The following RIMBP2 variants were observed in gnomAD, a reference collection of about 807,000 sequenced individuals.
RIMBP2 encodes the protein RIMS binding protein 2.
Under a neutral mutation model 118.6 loss-of-function variants are expected in RIMBP2, and 48 were observed. That is an observed-to-expected ratio of 0.40 (90% CI 0.32 to 0.51). RIMBP2 has a LOEUF of 0.51. Among genes scored for constraint, RIMBP2 ranks in the 20% least tolerant of loss-of-function variants. The pLI is 0.41. For synonymous variants in RIMBP2, 762 were observed against 742.9 expected (o/e 1.03, Z -0.42); for missense variants, 1,551 against 1,768.3 (o/e 0.88, Z 2.20).
intron 17 of RIMBP2, among the ~76,000 whole-genome samples, chr12:130,421,483 C>T (rs78456544): frequency 1.2e-3 from 187 of 152,296 alleles, no homozygotes; most frequent in African/African-American, 4.4e-3. Flanking sequence ...TTCAAAGAAT[C>T]TGTTTTGCTT....
chr12:130,418,141 G>T (rs961787244), intron 17 of RIMBP2, among the ~76,000 whole-genome samples: 2 of 152,198 alleles, frequency 1.3e-5, no homozygotes, highest in Middle Eastern at 3.2e-3. Context: ...TCTAACAAAA[G>T]CACTTTGGCT....
At chr12:130,624,419 G>A (rs949383611) in intron 2 of RIMBP2, among the ~76,000 whole-genome samples, 4 of 152,160 alleles carry the variant, frequency 2.6e-5, no homozygotes, top group African/African-American at 9.7e-5. Flanking sequence ...ATGGAGTTGT[G>A]TGTCCACATC....
intron 1 of RIMBP2, among the ~76,000 whole-genome samples, chr12:130,693,749 A>G (rs560299253): frequency 2.4e-4 from 37 of 152,342 alleles, no homozygotes; most frequent in African/African-American, 8.7e-4. Context: ...CAGTGAGTGT[A>G]AGCAGAAGTC....
intron 1 of RIMBP2, among the ~76,000 whole-genome samples, chr12:130,644,555 G>C (rs933294845): frequency 6.6e-6 from 1 of 152,210 alleles, no homozygotes. Flanking sequence ...GTATCATCAA[G>C]TGCAAATTAA....
intron 1 of RIMBP2, among the ~76,000 whole-genome samples, chr12:130,698,358 T>G (rs2065675695): frequency 6.6e-6 from 1 of 152,202 alleles, no homozygotes; most frequent in Non-Finnish European, 1.5e-5. Context: ...AATGTCCTGG[T>G]CTCTGCCTCT....
chr12:130,520,823 G>A (rs904021875), intron 2 of RIMBP2, among the ~76,000 whole-genome samples: 1 of 152,092 alleles, frequency 6.6e-6, no homozygotes, highest in Non-Finnish European at 1.5e-5. Flanking sequence ...CAGTGACACA[G>A]ACAGCCAGGT....
chr12:130,666,380 C>T (rs80231626), intron 1 of RIMBP2, among the ~76,000 whole-genome samples: 8 of 152,290 alleles, frequency 5.3e-5, no homozygotes, highest in African/African-American at 1.9e-4. Flanking sequence ...TGATGAGCCA[C>T]TCTGCAATAC....
chr12:130,678,798 C>T (rs1226430233), intron 1 of RIMBP2, among the ~76,000 whole-genome samples: 1 of 152,158 alleles, frequency 6.6e-6, no homozygotes, highest in Admixed American at 6.5e-5. Context: ...GGATTACAGG[C>T]GTAAGTCACC....
rs1300174133 is a variant in RIMBP2, at chr12:130,622,561, C to T, written c.-217+5761G>A. Among the ~76,000 whole-genome samples the T allele has an allele frequency of 6.6e-6, 1 of 152,062 alleles. No individual in the cohort carries two copies. Among genetic ancestry groups the T allele is most frequent in the Non-Finnish European group, 1.5e-5 (1 of 68,018 alleles). On this transcript the variant is annotated intron_variant, in intron 2 of 22. Coordinates refer to ENST00000690449, the MANE Select transcript of RIMBP2 (RefSeq NM_001393629.1). This position sits in a 1 kb window ranked among gnomAD's most constrained non-coding sequence, Gnocchi z 8.5. ...CAGGGTGGTCCCAAACTCCTGGACT[C>T]AAGCGATCCTCCCACCTTTGCCTCC...
chr12:130,439,431 A>ATGTGGGTG (rs1198502262), intron 11 of RIMBP2, among the ~76,000 whole-genome samples: 2 of 141,450 alleles, frequency 1.4e-5, no homozygotes. Context: ...GTATATGTGT[A>ATGTGGGTG]TGTGGGTGTG....
At chr12:130,661,828 G>A (rs2063677307) in intron 1 of RIMBP2, among the ~76,000 whole-genome samples, 1 of 152,198 alleles carries the variant, frequency 6.6e-6, no homozygotes, top group African/African-American at 2.4e-5. Context: ...CACCTGCAGA[G>A]TAGCCCCTTC....
chr12:130,528,581 T>C, intron 2 of RIMBP2, among the ~76,000 whole-genome samples: 1 of 152,226 alleles, frequency 6.6e-6, no homozygotes. Flanking sequence ...CAAACCTGCA[T>C]GTCCTGCACA....
chr12:130,508,014 G>A (rs2050530954), intron 3 of RIMBP2, among the ~76,000 whole-genome samples: 1 of 152,162 alleles, frequency 6.6e-6, no homozygotes, highest in African/African-American at 2.4e-5. Context: ...CTCATTCGAA[G>A]GAATATTTTA....
intron 4 of RIMBP2, among the ~76,000 whole-genome samples, chr12:130,479,239 T>A (rs1340995864): frequency 6.6e-6 from 1 of 152,200 alleles, no homozygotes; most frequent in Non-Finnish European, 1.5e-5. Flanking sequence ...CTGCCACTTC[T>A]CCTCTGCAGG....
intron 1 of RIMBP2, among the ~76,000 whole-genome samples, chr12:130,707,288 C>A (rs527834938): frequency 6.6e-6 from 1 of 152,150 alleles, no homozygotes; most frequent in Admixed American, 6.5e-5. Flanking sequence ...CAGAATGGAA[C>A]GGTGCCCACC....
chr12:130,646,038 G>GTTCCCTCTCCAC (rs1566421600), intron 1 of RIMBP2, among the ~76,000 whole-genome samples: 1 of 139,066 alleles, frequency 7.2e-6, no homozygotes, highest in East Asian at 2.2e-4. Context: ...GCGGCAGCCA[G>GTTCCCTCTCCAC]TTCCCTCTCC....
chr12:130,444,297 G>A (rs4463886), intron 10 of RIMBP2, among the ~76,000 whole-genome samples: 5,985 of 152,160 alleles, frequency 0.039, 408 homozygotes, highest in African/African-American at 0.14. Flanking sequence ...GAGGCAGCTC[G>A]ACTGCTGGGC....
intron 1 of RIMBP2, among the ~76,000 whole-genome samples, chr12:130,699,697 G>A (rs1483276037): frequency 1.3e-5 from 2 of 151,764 alleles, no homozygotes; most frequent in Non-Finnish European, 2.9e-5. Flanking sequence ...CCTGCACATT[G>A]TGCACATGTA....
Position 130,396,296 on chromosome 12 carries a change from G to A in RIMBP2, c.*1065C>T, listed in dbSNP as rs996315956. Reference sequence around the variant, plus strand: ...ATAGCGTTTTTGAAGACACAATGGGGAAAGCTTTGTCATTCATTTATAAAC... The same window carrying A: ...ATAGCGTTTTTGAAGACACAATGGGAAAAGCTTTGTCATTCATTTATAAAC... On this transcript the variant is annotated 3_prime_UTR_variant, in exon 23 of 23. Transcript: ENST00000690449. 1 of 152,572 alleles carries A rather than the reference G, an allele frequency of 6.6e-6. No individual in the cohort carries two copies. The highest frequency in any genetic ancestry group is 1.5e-5 in the Non-Finnish European group (1 of 68,026). The allele number at this position is 152,572 out of a possible 1,614,324, so 9.5% of individuals were successfully genotyped here.
Sources: gnomAD v4.1 joint callset for allele counts (sites outside exome capture counted in the v4.1 genomes callset) on GRCh38, gnomAD v4.1.1 for gene constraint, Gnocchi (gnomAD v3.1) non-coding constraint, MANE v1.5 for transcripts, NCBI Gene and HGNC (gene_info 2026-07-23, HGNC 2026-07-21) for gene names.